The following NIPAL1 variants were observed in gnomAD, a reference collection of about 807,000 sequenced individuals.
The protein encoded by NIPAL1 is NIPA like domain containing 1.
A neutral mutation model predicts 37.7 loss-of-function variants in NIPAL1; 35 were observed. That is an observed-to-expected ratio of 0.93 (90% CI 0.71 to 1.23). The LOEUF is 1.23. Among genes scored for constraint, NIPAL1 ranks in the 50% most tolerant of loss-of-function variants. The pLI is 0.00. For synonymous variants in NIPAL1, 162 were observed against 183.0 expected, an observed-to-expected ratio of 0.89 and a Z score of 0.93; for missense variants, 412 against 473.9, an observed-to-expected ratio of 0.87 and a Z score of 1.21.
chr4:48,018,634 G>T (rs546475440), intron 1 of NIPAL1, among the ~76,000 whole-genome samples: 1 of 152,138 alleles, frequency 6.6e-6, no homozygotes, highest in Non-Finnish European at 1.5e-5. Flanking sequence ...CTCAGAGCTT[G>T]ACATGGAGTA....
At chr4:48,025,017 T>G (rs1715654448) in intron 1 of NIPAL1, 51 bp from the exon 2 acceptor site, 1 of 1,543,544 alleles carries the variant, frequency 6.5e-7, no homozygotes, top group African/African-American at 1.4e-5. Context: ...CCGGTAAGCA[T>G]TAATACCTCT....
chr4:48,019,991 T>G (rs1039182572), intron 1 of NIPAL1, among the ~76,000 whole-genome samples: 5 of 152,244 alleles, frequency 3.3e-5, no homozygotes, highest in Admixed American at 3.3e-4. Context: ...TGATGCTGCT[T>G]TTACTACTTG....
chr4:48,017,350 G>A (rs1244147181), intron 1 of NIPAL1, among the ~76,000 whole-genome samples: 2 of 152,174 alleles, frequency 1.3e-5, no homozygotes, highest in South Asian at 2.1e-4. Context: ...TGGCTCCCGG[G>A]GATCGAGCAC....
chr4:48,033,277 A>C (rs565728052), intron 4 of NIPAL1, among the ~76,000 whole-genome samples, 194 bp downstream of exon 4: 2 of 152,216 alleles, frequency 1.3e-5, no homozygotes, highest in Non-Finnish European at 2.9e-5. Flanking sequence ...ACTCAGGCTC[A>C]GTTTACTCAT....
At position 48,039,903 on chromosome 4, in the gene NIPAL1, TTCA is replaced by T. The variant is rs962721194; in HGVS notation, c.*3736_*3738del. ...TTTAAATAATGCAAGTGAAAGTGAA[TTCA>T]TCATACTATCTCAACACCAATACAA... On this transcript the variant is annotated 3_prime_UTR_variant, in exon 6 of 6. Transcript: ENST00000295461. 1.3e-4 allele frequency: 20 copies of T among 152,346 alleles called. No homozygotes were observed. The highest frequency in any genetic ancestry group is 4.6e-4 in the African/African-American group (19 of 41,588). The allele number at this position is 152,346 out of a possible 1,614,324, so 9.4% of individuals were successfully genotyped here.
Position 48,016,797 on chromosome 4 carries a change from T to G in NIPAL1, c.-43T>G, listed in dbSNP as rs1450799280. 1.3e-6 allele frequency: 2 copies of G among 1,542,116 alleles called. No homozygotes were observed. The highest frequency in any genetic ancestry group is 1.4e-5 in the African/African-American group (1 of 73,286). On this transcript the variant is annotated 5_prime_UTR_variant, in exon 1 of 6. Transcript: ENST00000295461. Reference sequence around the variant, plus strand: ...GCGGGTGCGTGTGGAGAGGCCCAGGTGAGGAGCAAGCGCCCGCGTTCCGGA... The same window carrying G: ...GCGGGTGCGTGTGGAGAGGCCCAGGGGAGGAGCAAGCGCCCGCGTTCCGGA...
chr4:48,019,821 C>G (rs1432595605), intron 1 of NIPAL1, among the ~76,000 whole-genome samples: 3 of 152,152 alleles, frequency 2.0e-5, no homozygotes, highest in Admixed American at 2.0e-4. Context: ...TTCACCTGAT[C>G]CTTCTCCCAC....
intron 2 of NIPAL1, 67 bp from the exon 3 acceptor site, chr4:48,030,053 T>C: frequency 1.1e-6 from 1 of 911,098 alleles, no homozygotes; most frequent in South Asian, 1.4e-5. Context: ...TTCCTAGAAG[T>C]TAATTCTTCA....
chr4:48,018,921 G>A (rs1026052375), intron 1 of NIPAL1, among the ~76,000 whole-genome samples: 1 of 152,218 alleles, frequency 6.6e-6, no homozygotes, highest in Non-Finnish European at 1.5e-5. Flanking sequence ...TGATATTCAA[G>A]CTGAGACCCA....
intron 4 of NIPAL1, among the ~76,000 whole-genome samples, chr4:48,033,424 C>T (rs1715862818): frequency 6.6e-6 from 1 of 152,160 alleles, no homozygotes; most frequent in South Asian, 2.1e-4. Context: ...AGTTTGATTT[C>T]CTACTAACAT....
Position 48,036,073 on chromosome 4 carries a change from G to A in NIPAL1, c.1134G>A (p.Leu378=). ...CTGCTAAGAAAGAAGCCGTCTCTCT[G>A]AATGTCAATGAAAACAATTATGTTT... is the stretch of plus-strand genomic sequence containing the variant. ...TSTAKKEAVS[L]NVNENNYVLL... Residue 378 remains leucine (L), a synonymous_variant, in exon 6 of 6, where the codon CTG becomes CTA. Transcript: ENST00000295461. The A allele has an allele frequency of 6.2e-7, 1 of 1,609,632 alleles. No homozygotes were observed. Among genetic ancestry groups the A allele is most frequent in the Admixed American group, 1.7e-5 (1 of 58,220 alleles).
At chr4:48,019,725 G>A (rs1390487139) in intron 1 of NIPAL1, among the ~76,000 whole-genome samples, 1 of 152,194 alleles carries the variant, frequency 6.6e-6, no homozygotes, top group Non-Finnish European at 1.5e-5. Flanking sequence ...GGGAATTTTG[G>A]ATTTTTTTCG....
intron 3 of NIPAL1, among the ~76,000 whole-genome samples, chr4:48,031,714 A>G (rs1715822682): frequency 6.6e-6 from 1 of 152,170 alleles, no homozygotes; most frequent in Non-Finnish European, 1.5e-5. Context: ...TAAAGTATCC[A>G]AGGAAACCTT....
At chr4:48,023,395 C>T (rs1440759182) in intron 1 of NIPAL1, among the ~76,000 whole-genome samples, 1 of 152,104 alleles carries the variant, frequency 6.6e-6, no homozygotes, top group Admixed American at 6.5e-5. Context: ...GTACATAGGT[C>T]CACTTATGGA....
Position 48,025,345 on chromosome 4 carries a change from C to T in NIPAL1, c.313+11C>T. On this transcript the variant is annotated intron_variant, in intron 2 of 5. Coordinates refer to ENST00000295461, the MANE Select transcript of NIPAL1 (RefSeq NM_207330.3). Reference sequence around the variant, plus strand: ...GCTTTACTAGAGCTGGTAAGAAACACATGCAACTAATGAATTTAAGTTTCT... The same window carrying T: ...GCTTTACTAGAGCTGGTAAGAAACATATGCAACTAATGAATTTAAGTTTCT... The T allele has an allele frequency of 6.2e-7, 1 of 1,611,172 alleles. No individual in the cohort carries two copies. The highest frequency in any genetic ancestry group is 8.5e-7 in the Non-Finnish European group (1 of 1,178,638).
At chr4:48,035,426 T>A (rs1450570346) in intron 5 of NIPAL1, 136 bp from the exon 6 acceptor site, 17 of 795,002 alleles carry the variant, frequency 2.1e-5, no homozygotes, top group Non-Finnish European at 3.3e-5. Flanking sequence ...AACTATGCAA[T>A]AGAATGTTGT....
chr4:48,039,134 C>CAGG lies in NIPAL1; in HGVS notation c.*2965_*2967dup, dbSNP rs1418386461. On this transcript the variant is annotated 3_prime_UTR_variant, in exon 6 of 6. Transcript: ENST00000295461. ...GGCTGAGGCGGGTAGATCACAAGGA[C>CAGG]AGGAGTTCAAGACCAGCCTGGCCAA... 1.3e-5 allele frequency: 2 copies of CAGG among 152,032 alleles called. No individual in the cohort carries two copies. Among genetic ancestry groups the CAGG allele is most frequent in the Admixed American group, 1.3e-4 (2 of 15,260 alleles). 9.4% of individuals were successfully genotyped at this position (152,032 alleles called of 1,614,324 possible). A position where few individuals can be genotyped will look rare whatever the true frequency, so the allele number is the denominator to read the frequency against.
At chr4:48,031,429 C>G (rs976896187) in intron 3 of NIPAL1, among the ~76,000 whole-genome samples, 3 of 152,078 alleles carry the variant, frequency 2.0e-5, no homozygotes, top group African/African-American at 4.8e-5. Context: ...CAAGGGCTGT[C>G]TGGGAAGATT....
In NIPAL1 at chr4:48,039,482, TTTA is replaced by T. The variant is rs1464350582; in HGVS notation, c.*3315_*3317del. 3 of 152,248 alleles carry T rather than the reference TTTA, an allele frequency of 2.0e-5. No homozygotes were observed. The highest frequency in any genetic ancestry group is 4.4e-5 in the Non-Finnish European group (3 of 68,048). 9.4% of individuals were successfully genotyped at this position (152,248 alleles called of 1,614,324 possible). A position where few individuals can be genotyped will look rare whatever the true frequency, so the allele number is the denominator to read the frequency against. Reference sequence around the variant, plus strand: ...TTGTCATCATGTACATATCTTAAGATTTATTATGTGAATATCTGCATGTGTGTT... The same window carrying T: ...TTGTCATCATGTACATATCTTAAGATTTATGTGAATATCTGCATGTGTGTT... On this transcript the variant is annotated 3_prime_UTR_variant, in exon 6 of 6. Coordinates refer to ENST00000295461, the MANE Select transcript of NIPAL1 (RefSeq NM_207330.3).
Sources: allele counts gnomAD v4.1 joint callset (sites outside exome capture counted in the v4.1 genomes callset), GRCh38; gene constraint gnomAD v4.1.1; transcripts MANE v1.5; gene names NCBI Gene and HGNC (gene_info 2026-07-23, HGNC 2026-07-21).